The following KIRREL3 variants were observed in gnomAD, a reference collection of about 807,000 sequenced individuals.
KIRREL3 encodes kin of IRRE-like protein 3.
A neutral mutation model predicts 89.7 loss-of-function variants in KIRREL3; 36 were observed. The ratio of observed to expected loss-of-function variants is 0.40; its 90% CI spans 0.31 to 0.53. The LOEUF (loss-of-function observed/expected upper bound fraction) is 0.53, where lower values mean the gene tolerates loss of function less well. Among genes scored for constraint, KIRREL3 ranks in the 20% least tolerant of loss-of-function variants. The probability of loss-of-function intolerance (pLI) is 0.49; values close to 1 mark genes in which losing one functional copy is unlikely to be tolerated. For synonymous variants in KIRREL3, 445 were observed against 441.4 expected (o/e 1.01, Z -0.10); for missense variants, 864 against 1,056.6 (o/e 0.82, Z 2.53).
Position 126,486,538 on chromosome 11 carries a change from G to A in KIRREL3, c.434-13072C>T, listed in dbSNP as rs78353305. ...CTCACAAAGCTCTCCAGCTGGTTTC[G>A]ACCTTAACCTGATTTGGGGTCTCTT... On this transcript the variant is annotated intron_variant, in intron 4 of 16. Transcript: ENST00000525144. This position sits in a 1 kb window ranked among gnomAD's most constrained non-coding sequence, Gnocchi z 6.2. Among the ~76,000 whole-genome samples the A allele has an allele frequency of 0.032, 4,926 of 152,306 alleles. 89 individuals carry two copies. Among genetic ancestry groups the A allele is most frequent in the Non-Finnish European group, 0.05 (3,387 of 68,028 alleles).
chr11:126,893,162 C>T (rs779015863), intron 1 of KIRREL3, among the ~76,000 whole-genome samples: 30 of 152,160 alleles, frequency 2.0e-4, no homozygotes, highest in African/African-American at 5.8e-4. Context: ...CCCTCACATC[C>T]GTCAAACAAC....
chr11:126,999,507 T>G lies in KIRREL3; in HGVS notation c.55+948A>C, dbSNP rs373996448. Among the ~76,000 whole-genome samples, 21 of 152,328 alleles carry G rather than the reference T, an allele frequency of 1.4e-4. No individual in the cohort carries two copies. The South Asian group carries it at 4.4e-3, about 32-fold the overall frequency. ...GTGGATTTTTTCTGAGTCTTGCACC[T>G]CTAAGAGCTGTGTTGGCTGGCACAA... On this transcript the variant is annotated intron_variant, in intron 1 of 16. Coordinates refer to ENST00000525144, the MANE Select transcript of KIRREL3 (RefSeq NM_032531.4). This position sits in a 1 kb window ranked among gnomAD's most constrained non-coding sequence, Gnocchi z 5.7.
rs928761851 is a variant in KIRREL3, at chr11:126,896,564, A to G, written c.55+103891T>C. Among the ~76,000 whole-genome samples the G allele has an allele frequency of 2.0e-5, 3 of 152,226 alleles. No individual in the cohort carries two copies. The highest frequency in any genetic ancestry group is 7.2e-5 in the African/African-American group (3 of 41,464). On this transcript the variant is annotated intron_variant, in intron 1 of 16. Coordinates refer to ENST00000525144, the MANE Select transcript of KIRREL3 (RefSeq NM_032531.4). This position sits in a 1 kb window ranked among gnomAD's most constrained non-coding sequence, Gnocchi z 4.1. Reference sequence around the variant, plus strand: ...GGGTATCCTAGTGAATGGAATGATGATGCAAATATCCTAGAAAGCTGTGTA... The same window carrying G: ...GGGTATCCTAGTGAATGGAATGATGGTGCAAATATCCTAGAAAGCTGTGTA...
chr11:126,713,600 A>G (rs1403824338), intron 1 of KIRREL3, among the ~76,000 whole-genome samples: 1 of 152,172 alleles, frequency 6.6e-6, no homozygotes, highest in Admixed American at 6.5e-5. Flanking sequence ...TAGGAAGTAG[A>G]CGCAACAGGC....
rs569455082 is a variant in KIRREL3, at chr11:126,811,729, G to A, written c.55+188726C>T. 1.2e-4 allele frequency among the ~76,000 whole-genome samples: 18 copies of A among 152,218 alleles called. No homozygotes were observed. The highest frequency in any genetic ancestry group is 3.6e-4 in the African/African-American group (15 of 41,516). On this transcript the variant is annotated intron_variant, in intron 1 of 16. Coordinates refer to ENST00000525144, the MANE Select transcript of KIRREL3 (RefSeq NM_032531.4). The surrounding 1 kb of genome is among the most constrained non-coding windows in gnomAD (Gnocchi z 4.3). ...AGCCTCCCAAGTAGCGGGGATTACC[G>A]GCGCCTGCTACCATGCCCAGCTAAT...
chr11:126,973,016 A>G (rs756622885), intron 1 of KIRREL3, among the ~76,000 whole-genome samples: 2 of 151,122 alleles, frequency 1.3e-5, no homozygotes, highest in South Asian at 2.1e-4. Flanking sequence ...TTATATTTGT[A>G]TAACTAAGGG....
rs571090175 is a variant in KIRREL3, at chr11:126,627,542, C to T, written c.56-64630G>A. Among the ~76,000 whole-genome samples, 8 of 152,308 alleles carry T rather than the reference C, an allele frequency of 5.3e-5. No homozygotes were observed. Among genetic ancestry groups the T allele is most frequent in the South Asian group, 2.1e-4 (1 of 4,820 alleles). On this transcript the variant is annotated intron_variant, in intron 1 of 16. Coordinates refer to ENST00000525144, the MANE Select transcript of KIRREL3 (RefSeq NM_032531.4). The surrounding 1 kb of genome is among the most constrained non-coding windows in gnomAD (Gnocchi z 5.0). ...GCCTCCCTGGCTCCATGGTGACTGACGCTGCCAGTCCAGCTGCCATGTGGC... is the reference window on the plus strand; with the variant it reads ...GCCTCCCTGGCTCCATGGTGACTGATGCTGCCAGTCCAGCTGCCATGTGGC...
chr11:126,546,015 G>A (rs1192980599), intron 2 of KIRREL3, among the ~76,000 whole-genome samples: 1 of 152,198 alleles, frequency 6.6e-6, no homozygotes, highest in African/African-American at 2.4e-5. Context: ...GAAAATGTGA[G>A]TGATAATAGA....
chr11:126,956,333 T>C (rs1424163688), intron 1 of KIRREL3, among the ~76,000 whole-genome samples: 1 of 152,186 alleles, frequency 6.6e-6, no homozygotes, highest in African/African-American at 2.4e-5. Flanking sequence ...TCTCCTTTGG[T>C]TAGCGAATCT....
chr11:126,512,846 T>G (rs4937146), intron 4 of KIRREL3, among the ~76,000 whole-genome samples: 49,754 of 151,932 alleles, frequency 0.33, 8,526 homozygotes, highest in Admixed American at 0.39. Context: ...CATGAGCAAA[T>G]GAGAGAGAAT....
rs1685006823 is a variant in KIRREL3, at chr11:126,558,835, G to A, written c.133+4000C>T. Among the ~76,000 whole-genome samples the A allele has an allele frequency of 6.6e-6, 1 of 152,114 alleles. No individual in the cohort carries two copies. The highest frequency in any genetic ancestry group is 2.4e-5 in the African/African-American group (1 of 41,428). ...TTGTGTGCGTGTGTGCACACATGTG[G>A]GTGTATGTGTGCATGTGTATACATG... On this transcript the variant is annotated intron_variant, in intron 2 of 16. Coordinates refer to ENST00000525144, the MANE Select transcript of KIRREL3 (RefSeq NM_032531.4). The surrounding 1 kb of genome is among the most constrained non-coding windows in gnomAD (Gnocchi z 4.0).
chr11:126,437,273 CAACACACA>C (rs1305877619), intron 11 of KIRREL3, among the ~76,000 whole-genome samples: 1 of 152,322 alleles, frequency 6.6e-6, no homozygotes, highest in East Asian at 1.9e-4. Context: ...TGTGCACACA[CAACACACA>C]AACACATCAC....
rs183936019 is a variant in KIRREL3 at position 126,682,648 on chromosome 11, T to C, written c.56-119736A>G. ...GTTTCTGGATGAAACTGTTCCATCA[T>C]AGATCTTCAGGCACTAGTTAGATTC... On this transcript the variant is annotated intron_variant, in intron 1 of 16. Transcript: ENST00000525144. The surrounding 1 kb of genome is among the most constrained non-coding windows in gnomAD (Gnocchi z 4.8). Among the ~76,000 whole-genome samples, 56 of 152,272 alleles carry C rather than the reference T, an allele frequency of 3.7e-4. No homozygotes were observed. Among genetic ancestry groups the C allele is most frequent in the African/African-American group, 1.3e-3 (55 of 41,556 alleles).
intron 2 of KIRREL3, among the ~76,000 whole-genome samples, chr11:126,534,001 G>A (rs1020591546): frequency 1.3e-5 from 2 of 152,186 alleles, no homozygotes; most frequent in African/African-American, 2.4e-5. Flanking sequence ...CTATTGGTGT[G>A]AAAGGGGGAG....
chr11:126,898,350 C>T lies in KIRREL3; in HGVS notation c.55+102105G>A, dbSNP rs979105379. ...AACTGGTCGGATATTTTAGAATATTCCTGGCAGTACTTAATGAAATTGTGC... is the reference window on the plus strand; with the variant it reads ...AACTGGTCGGATATTTTAGAATATTTCTGGCAGTACTTAATGAAATTGTGC... On this transcript the variant is annotated intron_variant, in intron 1 of 16. Coordinates refer to ENST00000525144, the MANE Select transcript of KIRREL3 (RefSeq NM_032531.4). This position sits in a 1 kb window ranked among gnomAD's most constrained non-coding sequence, Gnocchi z 4.9. Among the ~76,000 whole-genome samples the T allele has an allele frequency of 1.3e-5, 2 of 152,144 alleles. No individual in the cohort carries two copies. Among genetic ancestry groups the T allele is most frequent in the South Asian group, 4.1e-4 (2 of 4,820 alleles).
Position 126,551,048 on chromosome 11 carries a change from G to A in KIRREL3, c.133+11787C>T, listed in dbSNP as rs903070060. Among the ~76,000 whole-genome samples, 6 of 152,152 alleles carry A rather than the reference G, an allele frequency of 3.9e-5. No individual in the cohort carries two copies. The highest frequency in any genetic ancestry group is 1.4e-4 in the African/African-American group (6 of 41,438). On this transcript the variant is annotated intron_variant, in intron 2 of 16. Transcript: ENST00000525144. The surrounding 1 kb of genome is among the most constrained non-coding windows in gnomAD (Gnocchi z 4.9). The stretch of plus-strand genomic sequence containing the variant: ...TTTGATTAATTTGCTAGAGTGGCAC[G>A]AAGACCTCAGGGAAACACTTACCTA...
At chr11:127,002,654 C>T (rs1950334786), upstream of KIRREL3, among the ~76,000 whole-genome samples, 1 of 152,166 alleles carries the variant, frequency 6.6e-6, no homozygotes, top group South Asian at 2.1e-4. Flanking sequence ...TGTCTGCGTG[C>T]CATTCTTGCA....
In KIRREL3 at chr11:126,730,050, C is replaced by T. The variant is rs143689732; in HGVS notation, c.56-167138G>A. The stretch of plus-strand genomic sequence containing the variant: ...CATTCCCTCTCAGTCCCCGTCCTGA[C>T]TCTCATTCCTGTCCCCAGCCACTTA... On this transcript the variant is annotated intron_variant, in intron 1 of 16. Transcript: ENST00000525144. Among the ~76,000 whole-genome samples, 222 of 152,330 alleles carry T rather than the reference C, an allele frequency of 1.5e-3. 3 individuals carry two copies. The highest frequency in any genetic ancestry group is 5.1e-3 in the African/African-American group (210 of 41,576).
Position 126,655,980 on chromosome 11 carries a change from G to A in KIRREL3, c.56-93068C>T. 1 of 267,398 alleles carries A rather than the reference G, an allele frequency of 3.7e-6. No homozygotes were observed. The allele number at this position is 267,398 out of a possible 1,614,324, so 16.6% of individuals were successfully genotyped here. ...CTAAAAGGTGGGTGGGGCTGAAGGAGGGGTGGGAGGAGGCCTTAGAAGCTA... is the reference window on the plus strand; with the variant it reads ...CTAAAAGGTGGGTGGGGCTGAAGGAAGGGTGGGAGGAGGCCTTAGAAGCTA... On this transcript the variant is annotated intron_variant, in intron 1 of 16. Transcript: ENST00000525144. The surrounding 1 kb of genome is among the most constrained non-coding windows in gnomAD (Gnocchi z 5.0).
Sources: gnomAD v4.1 joint callset for allele counts (sites outside exome capture counted in the v4.1 genomes callset) on GRCh38, gnomAD v4.1.1 for gene constraint, Gnocchi (gnomAD v3.1) non-coding constraint, MANE v1.5 for transcripts, NCBI Gene and HGNC (gene_info 2026-07-23, HGNC 2026-07-21) for gene names.